The following PLA2G7 variants were observed in gnomAD, a reference collection of about 807,000 sequenced individuals.
PLA2G7 encodes the protein platelet-activating factor acetylhydrolase.
PLA2G7 carries 63 observed loss-of-function variants against 49.6 expected under a neutral mutation model. The ratio of observed to expected loss-of-function variants is 1.27; its 90% CI spans 1.04 to 1.57. The LOEUF (loss-of-function observed/expected upper bound fraction) is 1.57. Among genes scored for constraint, PLA2G7 ranks in the 40% most tolerant of loss-of-function variants. The pLI, the probability that PLA2G7 is intolerant of heterozygous loss-of-function variation, is 0.00. For synonymous variants in PLA2G7, 193 were observed against 169.9 expected (o/e 1.14, Z -1.06); for missense variants, 596 against 521.2 (o/e 1.14, Z -1.40).
intron 10 of PLA2G7, among the ~76,000 whole-genome samples, chr6:46,706,557 GGCT>G (rs1764836251): frequency 2.0e-5 from 3 of 152,210 alleles, no homozygotes; most frequent in Admixed American, 2.0e-4. Context: ...ACTCTGAAGA[GGCT>G]GCTGGTGTGG....
chr6:46,708,157 C>T lies in PLA2G7; in HGVS notation c.874G>A (p.Gly292Ser). The T allele has an allele frequency of 6.2e-7, 1 of 1,609,310 alleles. No individual in the cohort carries two copies. Among genetic ancestry groups the T allele is most frequent in the South Asian group, 1.1e-5 (1 of 90,956 alleles). The part of the protein sequence containing the change: ...TLSEDQRFRC[G>S]IALDAWMFPL... Reference sequence around the variant, plus strand: ...AACATCCATGCATCCAGGGCAATACCACATCTGTAGATATTTGTTGACAAT... The same window carrying T: ...AACATCCATGCATCCAGGGCAATACTACATCTGTAGATATTTGTTGACAAT... The change falls in exon 10 of 12, where the codon GGT becomes AGT. Residue 292 changes from glycine (G) to serine (S), a missense_variant. By Grantham distance (56) the Gly-to-Ser change is moderately conservative. Transcript: ENST00000274793.
chr6:46,708,037 T>C lies in PLA2G7; in HGVS notation c.994A>G (p.Lys332Glu), dbSNP rs892617030. Residue 332 changes from lysine to glutamate, a missense_variant, in exon 10 of 12, where the codon AAA becomes GAA. Lys to Glu is a moderately conservative substitution (Grantham distance 56). Transcript: ENST00000274793. ...FQYPANIIKM[K>E]KCYSPDKERK... is the part of the protein sequence containing the mutation. Reference sequence around the variant, plus strand: ...TCTTTATCAGGTGAGTAGCATTTTTTCATTTTTATGATATTAGCAGGATAT... The same window carrying C: ...TCTTTATCAGGTGAGTAGCATTTTTCCATTTTTATGATATTAGCAGGATAT... The C allele has an allele frequency of 1.9e-6, 3 of 1,593,518 alleles. No homozygotes were observed. Among genetic ancestry groups the C allele is most frequent in the Non-Finnish European group, 1.7e-6 (2 of 1,161,596 alleles).
chr6:46,722,724 C>G, intron 2 of PLA2G7, 59 bp downstream of exon 2: 1 of 1,003,394 alleles, frequency 1.0e-6, no homozygotes, highest in Non-Finnish European at 1.6e-6. Flanking sequence ...TTCTTGGGGC[C>G]CACTTGAAGT....
chr6:46,716,367 A>T lies in PLA2G7; in HGVS notation c.376+17T>A, dbSNP rs1468309332. ...TACATGCAAGAGCCTACAAAGAAGG[A>T]TCAACAGAAATCTTACCAAAGAGTA... On this transcript the variant is annotated intron_variant, in intron 4 of 11. Transcript: ENST00000274793. 6.2e-7 allele frequency: 1 copy of T among 1,613,692 alleles called. No homozygotes were observed. The highest frequency in any genetic ancestry group is 1.3e-5 in the African/African-American group (1 of 74,934).
chr6:46,724,781 C>T (rs1465642590), intron 1 of PLA2G7, among the ~76,000 whole-genome samples: 1 of 152,214 alleles, frequency 6.6e-6, no homozygotes, highest in Non-Finnish European at 1.5e-5. Flanking sequence ...TTCAAATGAC[C>T]TTTCACAAAT....
intron 8 of PLA2G7, 82 bp downstream of exon 8, chr6:46,710,463 C>G: frequency 2.2e-6 from 2 of 891,676 alleles, no homozygotes; most frequent in Non-Finnish European, 3.7e-6. Flanking sequence ...TCATATTGTA[C>G]CTTGCAATAT....
intron 1 of PLA2G7, among the ~76,000 whole-genome samples, chr6:46,730,671 T>A (rs1454938227): frequency 6.6e-6 from 1 of 152,192 alleles, no homozygotes; most frequent in African/African-American, 2.4e-5. Context: ...CACTAGATCA[T>A]CTGATTGCTT....
rs1441279240 is a variant in PLA2G7 at position 46,704,478 on chromosome 6, T to TCTCTCTCTCTCA, written c.*81_*82insTGAGAGAGAGAG. On this transcript the variant is annotated 3_prime_UTR_variant, in exon 12 of 12. Transcript: ENST00000274793. ...CTCTCTCTCTCTCTCTCTCTCTCTCTCACACACACACACACACACACACAC... is the reference window on the plus strand; with the variant it reads ...CTCTCTCTCTCTCTCTCTCTCTCTCTCTCTCTCTCTCACACACACACACACACACACACACAC... The TCTCTCTCTCTCA allele has an allele frequency of 1.6e-3, 137 of 87,818 alleles. No homozygotes were observed. Among genetic ancestry groups the TCTCTCTCTCTCA allele is most frequent in the Non-Finnish European group, 2.5e-3 (112 of 44,420 alleles). The allele number at this position is 87,818 out of a possible 1,614,324, so 5.4% of individuals were successfully genotyped here. A position where few individuals can be genotyped will look rare whatever the true frequency, so the allele number is the denominator to read the frequency against.
chr6:46,719,721 C>A (rs935822447), intron 2 of PLA2G7, among the ~76,000 whole-genome samples: 1 of 152,180 alleles, frequency 6.6e-6, no homozygotes, highest in African/African-American at 2.4e-5. Context: ...GACCAGCCCA[C>A]AGTACAGTTG....
At chr6:46,724,643 A>G (rs1326989853) in intron 1 of PLA2G7, among the ~76,000 whole-genome samples, 2 of 152,210 alleles carry the variant, frequency 1.3e-5, no homozygotes, top group African/African-American at 4.8e-5. Flanking sequence ...CAACAGAGTC[A>G]CTGTATCTCC....
intron 10 of PLA2G7, among the ~76,000 whole-genome samples, chr6:46,705,795 T>C (rs1233192081): frequency 6.6e-6 from 1 of 152,234 alleles, no homozygotes; most frequent in African/African-American, 2.4e-5. Flanking sequence ...ACTTTATAAA[T>C]ATCATTTGCA....
chr6:46,704,690 T>C lies in PLA2G7; in HGVS notation c.1196A>G (p.His399Arg), dbSNP rs142693692. The C allele has an allele frequency of 1.9e-6, 3 of 1,568,464 alleles. No homozygotes were observed. In the African/African-American group the frequency reaches 4.0e-5, roughly 21 times the overall value. The change falls in exon 12 of 12, where the codon CAT (histidine) becomes CGT (arginine). Residue 399 changes from histidine (H) to arginine (R), a missense_variant. His to Arg is a conservative substitution (Grantham distance 29). Transcript: ENST00000274793. The part of the protein sequence containing the change: ...LAFLQKHLGL[H>R]KDFDQWDCLI... ...GCAGTCCCACTGATCAAAATCTTTA[T>C]GAAGTCCTATAAAATATAAAGTGTT...
chr6:46,722,174 CT>C (rs1765421498), intron 2 of PLA2G7, among the ~76,000 whole-genome samples: 1 of 152,212 alleles, frequency 6.6e-6, no homozygotes, highest in South Asian at 2.1e-4. Flanking sequence ...CCACCTCTTT[CT>C]TTCCCCACTT....
Position 46,711,560 on chromosome 6 carries a change from TC to T in PLA2G7, c.598del (p.Asp200ThrfsTer10). ...FKDQSAAEIG[D>X]KSWLYLRTLK... Reference sequence around the variant, plus strand: ...GGTTCTAAGGTAGAGCCAAGACTTGTCCCCTATTTCTGCAGCAGATTGGTCC... The same window carrying T: ...GGTTCTAAGGTAGAGCCAAGACTTGTCCCTATTTCTGCAGCAGATTGGTCC... On this transcript the variant is annotated frameshift_variant, in exon 7 of 12. Transcript: ENST00000274793. LOFTEE classifies it high-confidence loss of function. 1 of 1,613,630 alleles carries T rather than the reference TC, an allele frequency of 6.2e-7. No homozygotes were observed. Among genetic ancestry groups the T allele is most frequent in the Non-Finnish European group, 8.5e-7 (1 of 1,179,550 alleles).
At chr6:46,705,426 T>C (rs1764784317) in intron 10 of PLA2G7, 125 bp from the exon 11 acceptor site, 1 of 772,976 alleles carries the variant, frequency 1.3e-6, no homozygotes, top group Non-Finnish European at 2.1e-6. Context: ...GAAATAAAAC[T>C]TGTAATTTGA....
intron 1 of PLA2G7, among the ~76,000 whole-genome samples, chr6:46,734,774 G>C (rs543923444): frequency 3.3e-4 from 50 of 151,816 alleles, no homozygotes; most frequent in African/African-American, 1.0e-3. Context: ...AGTGAGTCGA[G>C]ATCGCGCCTC....
chr6:46,729,626 G>A (rs148182531), intron 1 of PLA2G7, among the ~76,000 whole-genome samples: 2,565 of 152,222 alleles, frequency 0.017, 27 homozygotes, highest in Middle Eastern at 0.031. Flanking sequence ...GCTAAACCAG[G>A]ATCTGAACCT....
At chr6:46,733,116 A>T (rs1214525013) in intron 1 of PLA2G7, among the ~76,000 whole-genome samples, 2 of 152,116 alleles carry the variant, frequency 1.3e-5, no homozygotes, top group Non-Finnish European at 2.9e-5. Context: ...AGGGGCTCCC[A>T]CTCCAGCTGC....
At chr6:46,716,141 A>G (rs1000906452) in intron 4 of PLA2G7, among the ~76,000 whole-genome samples, 2 of 152,208 alleles carry the variant, frequency 1.3e-5, no homozygotes, top group Non-Finnish European at 2.9e-5. Flanking sequence ...AAGAGCAGCC[A>G]CAGAAAGATG....
Sources: allele counts gnomAD v4.1 joint callset (sites outside exome capture counted in the v4.1 genomes callset), GRCh38; gene constraint gnomAD v4.1.1; transcripts MANE v1.5; gene names NCBI Gene and HGNC (gene_info 2026-07-23, HGNC 2026-07-21).